The following CNTNAP5 variants were observed in gnomAD, a reference collection of about 807,000 sequenced individuals.
CNTNAP5 encodes contactin associated protein family member 5, also known as contactin-associated protein-like 5.
Under a neutral mutation model 150.2 loss-of-function variants are expected in CNTNAP5, and 72 were observed. That is an observed-to-expected ratio of 0.48 (90% CI 0.40 to 0.58). The LOEUF (loss-of-function observed/expected upper bound fraction) is 0.58, where lower values mean the gene tolerates loss of function less well. CNTNAP5 is among the 20% of genes least tolerant of loss of function. The probability of loss-of-function intolerance (pLI) is 0.00; values close to 1 mark genes in which losing one functional copy is unlikely to be tolerated. For synonymous variants in CNTNAP5, 672 were observed against 619.8 expected (o/e 1.08, Z -1.25); for missense variants, 1,636 against 1,626.2 (o/e 1.01, Z -0.10).
chr2:124,150,912 C>A (rs1239113585), intron 1 of CNTNAP5, among the ~76,000 whole-genome samples: 1 of 152,106 alleles, frequency 6.6e-6, no homozygotes, highest in African/African-American at 2.4e-5. Flanking sequence ...TGAAGAGTAG[C>A]GTGTGCTTTT....
In CNTNAP5 at chr2:124,919,685, T is replaced by A. The variant is rs1429901141; in HGVS notation, c.*5397T>A. The stretch of plus-strand genomic sequence containing the variant: ...AAGAGGCAATATCATGGGCTTTGCA[T>A]GAATAATTCTTTACTCACATTTGCA... On this transcript the variant is annotated 3_prime_UTR_variant, in exon 24 of 24. Coordinates refer to ENST00000682447, the MANE Select transcript of CNTNAP5 (RefSeq NM_001367498.1). Among the ~76,000 whole-genome samples, 1 of 152,128 alleles carries A rather than the reference T, an allele frequency of 6.6e-6. No homozygotes were observed. The highest frequency in any genetic ancestry group is 1.5e-5 in the Non-Finnish European group (1 of 68,000).
intron 14 of CNTNAP5, among the ~76,000 whole-genome samples, chr2:124,756,671 C>T (rs1045837355): frequency 9.2e-5 from 14 of 152,034 alleles, no homozygotes; most frequent in African/African-American, 3.4e-4. Flanking sequence ...GAGGAGGAAA[C>T]CAAATACTGC....
In CNTNAP5 at chr2:124,359,478, G is replaced by T. The variant is rs534582764; in HGVS notation, c.382-57965G>T. ...TTTCCCTCTACACACGGCTTTGAAT[G>T]CGTCACAGAGATTCTGGTATGTTGT... On this transcript the variant is annotated intron_variant, in intron 3 of 23. Coordinates refer to ENST00000682447, the MANE Select transcript of CNTNAP5 (RefSeq NM_001367498.1). Among the ~76,000 whole-genome samples, 5 of 151,934 alleles carry T rather than the reference G, an allele frequency of 3.3e-5. No homozygotes were observed. In the South Asian group the frequency reaches 1.0e-3, roughly 32 times the overall value.
At chr2:124,606,353 G>A (rs1352010096) in intron 11 of CNTNAP5, among the ~76,000 whole-genome samples, 5 of 147,366 alleles carry the variant, frequency 3.4e-5, no homozygotes, top group African/African-American at 8.0e-5. Context: ...TAAATAAATA[G>A]ATAACTTGTA....
At chr2:124,513,566 T>A (rs1694641269) in intron 8 of CNTNAP5, among the ~76,000 whole-genome samples, 1 of 152,190 alleles carries the variant, frequency 6.6e-6, no homozygotes, top group Non-Finnish European at 1.5e-5. Flanking sequence ...CTTCCATAAC[T>A]ATTTGCCACA....
chr2:124,696,294 T>C (rs530667803), intron 13 of CNTNAP5, among the ~76,000 whole-genome samples: 2 of 152,284 alleles, frequency 1.3e-5, no homozygotes, highest in South Asian at 4.1e-4. Flanking sequence ...AACAATGCAG[T>C]GATATTTTCT....
In CNTNAP5 at chr2:124,263,027, A is replaced by T. The variant is rs1469817036; in HGVS notation, c.381+20634A>T. On this transcript the variant is annotated intron_variant, in intron 3 of 23. Transcript: ENST00000682447. ...GTATTCCATGGTGTATATGTGCCACATTTTCTTAATCCAGTCTATCATTGA... is the reference window on the plus strand; with the variant it reads ...GTATTCCATGGTGTATATGTGCCACTTTTTCTTAATCCAGTCTATCATTGA... Among the ~76,000 whole-genome samples, 3 of 151,978 alleles carry T rather than the reference A, an allele frequency of 2.0e-5. No homozygotes were observed. In the East Asian group the frequency reaches 5.8e-4, roughly 30 times the overall value.
chr2:124,475,250 A>G (rs1237261912), intron 7 of CNTNAP5, among the ~76,000 whole-genome samples: 1 of 152,110 alleles, frequency 6.6e-6, no homozygotes, highest in Non-Finnish European at 1.5e-5. Flanking sequence ...TGGGAGTTAC[A>G]TATATGTCTA....
At chr2:124,824,597 A>G (rs1038542502) in intron 19 of CNTNAP5, among the ~76,000 whole-genome samples, 1 of 152,106 alleles carries the variant, frequency 6.6e-6, no homozygotes. Flanking sequence ...TGGTTTGTCA[A>G]TTACTTAAGT....
chr2:124,832,302 A>T (rs935748879), intron 19 of CNTNAP5, among the ~76,000 whole-genome samples: 8 of 152,168 alleles, frequency 5.3e-5, no homozygotes, highest in Non-Finnish European at 1.2e-4. Flanking sequence ...GTGCTCGTTT[A>T]TTTATGCATC....
At chr2:124,802,554 G>T (rs1240782284) in intron 19 of CNTNAP5, among the ~76,000 whole-genome samples, 1 of 152,174 alleles carries the variant, frequency 6.6e-6, no homozygotes, top group Non-Finnish European at 1.5e-5. Context: ...ACCTAGGGCT[G>T]TGGCCACAGA....
chr2:124,075,727 G>C (rs560876250), intron 1 of CNTNAP5, among the ~76,000 whole-genome samples: 1 of 152,244 alleles, frequency 6.6e-6, no homozygotes, highest in South Asian at 2.1e-4. Flanking sequence ...TGTGTGGACT[G>C]ATTAGCAGAT....
At chr2:124,105,335 G>T (rs1683150691) in intron 1 of CNTNAP5, among the ~76,000 whole-genome samples, 1 of 152,104 alleles carries the variant, frequency 6.6e-6, no homozygotes, top group Admixed American at 6.6e-5. Flanking sequence ...GCAAATGTTT[G>T]AATACATGTA....
chr2:124,366,068 C>A (rs942824446), intron 3 of CNTNAP5, among the ~76,000 whole-genome samples: 29 of 152,286 alleles, frequency 1.9e-4, no homozygotes, highest in African/African-American at 6.7e-4. Context: ...GAGAGATAGT[C>A]TATACAGTGG....
chr2:124,348,664 A>C (rs1047787109), intron 3 of CNTNAP5, among the ~76,000 whole-genome samples: 1 of 152,226 alleles, frequency 6.6e-6, no homozygotes, highest in African/African-American at 2.4e-5. Flanking sequence ...AATTTGGCAC[A>C]TAACCGAAGG....
chr2:124,852,774 A>G (rs1411376253), intron 19 of CNTNAP5, among the ~76,000 whole-genome samples: 5 of 152,240 alleles, frequency 3.3e-5, no homozygotes, highest in Non-Finnish European at 7.3e-5. Flanking sequence ...AGACCTGGAA[A>G]GAAGTGCAAA....
At chr2:124,847,959 TA>T (rs1683082925) in intron 19 of CNTNAP5, among the ~76,000 whole-genome samples, 1 of 152,130 alleles carries the variant, frequency 6.6e-6, no homozygotes, top group Non-Finnish European at 1.5e-5. Context: ...TATTTATTTT[TA>T]AAAAAACTTG....
chr2:124,245,635 G>A (rs555314879), intron 3 of CNTNAP5, among the ~76,000 whole-genome samples: 7 of 150,120 alleles, frequency 4.7e-5, no homozygotes, highest in African/African-American at 1.7e-4. Flanking sequence ...ATATATATGT[G>A]TGTGTTTGTG....
At chr2:124,322,608 T>C (rs1689126747) in intron 3 of CNTNAP5, among the ~76,000 whole-genome samples, 1 of 152,222 alleles carries the variant, frequency 6.6e-6, no homozygotes, top group Non-Finnish European at 1.5e-5. Flanking sequence ...GTCATCGGTA[T>C]GTGTGCAAAG....
Sources: gnomAD v4.1 joint callset for allele counts (sites outside exome capture counted in the v4.1 genomes callset) on GRCh38, gnomAD v4.1.1 for gene constraint, MANE v1.5 for transcripts, NCBI Gene and HGNC (gene_info 2026-07-23, HGNC 2026-07-21) for gene names.